NOL4: variants seen among roughly 807,000 people sequenced by gnomAD.
NOL4 encodes nucleolar protein 4.
Under a neutral mutation model 75.9 loss-of-function variants are expected in NOL4, and 17 were observed. The ratio of observed to expected loss-of-function variants is 0.22; its 90% confidence interval spans 0.15 to 0.34. The LOEUF (loss-of-function observed/expected upper bound fraction) is 0.34. Among genes scored for constraint, NOL4 ranks in the 10% least tolerant of loss-of-function variants. NOL4 has a pLI of 1.00. For synonymous variants in NOL4, 292 were observed against 289.9 expected (o/e 1.01, Z -0.07); for missense variants, 614 against 793.5 (o/e 0.77, Z 2.72).
chr18:34,001,198 G>A (rs1421652067), intron 6 of NOL4, among the ~76,000 whole-genome samples: 1 of 152,040 alleles, frequency 6.6e-6, no homozygotes, highest in African/African-American at 2.4e-5. Context: ...GTATAGTAGG[G>A]TACAATTCAA....
chr18:34,132,285 G>A (rs1425006156), intron 1 of NOL4, among the ~76,000 whole-genome samples: 3 of 152,156 alleles, frequency 2.0e-5, no homozygotes, highest in Non-Finnish European at 4.4e-5. Context: ...ACAAGATAAT[G>A]TTTACAAGTT....
intron 8 of NOL4, among the ~76,000 whole-genome samples, chr18:33,956,439 C>T (rs984397649): frequency 1.1e-4 from 16 of 152,076 alleles, no homozygotes; most frequent in African/African-American, 3.9e-4. Flanking sequence ...ACACCAATTC[C>T]TACCCAATCA....
At chr18:34,119,265 A>G (rs188977862) in intron 2 of NOL4, among the ~76,000 whole-genome samples, 20 of 152,270 alleles carry the variant, frequency 1.3e-4, no homozygotes, top group Admixed American at 1.0e-3. Flanking sequence ...CTGACCTTTG[A>G]ATGCCTGTTA....
At chr18:34,041,437 C>T (rs1330858523) in intron 5 of NOL4, among the ~76,000 whole-genome samples, 1 of 151,444 alleles carries the variant, frequency 6.6e-6, no homozygotes, top group Admixed American at 6.6e-5. Context: ...CTCTATGTGG[C>T]AGGTGTTAAG....
intron 10 of NOL4, among the ~76,000 whole-genome samples, chr18:33,865,977 G>T (rs1452342763): frequency 2.0e-5 from 3 of 151,864 alleles, no homozygotes; most frequent in Non-Finnish European, 4.4e-5. Flanking sequence ...AATACAAAAA[G>T]CAAGAAATGT....
chr18:34,058,219 C>T (rs985685375), intron 5 of NOL4, among the ~76,000 whole-genome samples: 38 of 152,172 alleles, frequency 2.5e-4, no homozygotes, highest in Admixed American at 2.0e-3. Flanking sequence ...CTGCAAGCTC[C>T]GCCTCCCGGG....
intron 4 of NOL4, among the ~76,000 whole-genome samples, chr18:34,095,299 G>A (rs982576271): frequency 1.4e-5 from 2 of 146,002 alleles, no homozygotes; most frequent in East Asian, 4.1e-4. Flanking sequence ...AAAAATAAGA[G>A]ACTTCAATGT....
At chr18:34,024,937 G>A (rs1462536015) in intron 5 of NOL4, among the ~76,000 whole-genome samples, 1 of 152,080 alleles carries the variant, frequency 6.6e-6, no homozygotes, top group Non-Finnish European at 1.5e-5. Context: ...TCATATAAGT[G>A]CTTAGGAGCC....
At chr18:34,093,633 A>G (rs2078630613) in intron 4 of NOL4, 36 bp from the exon 5 acceptor site, 1 of 1,453,914 alleles carries the variant, frequency 6.9e-7, no homozygotes, top group Non-Finnish European at 9.3e-7. Flanking sequence ...AAGCATTTTA[A>G]CGTATAATAC....
chr18:34,017,842 G>A (rs1469812528), intron 6 of NOL4, among the ~76,000 whole-genome samples: 1 of 152,016 alleles, frequency 6.6e-6, no homozygotes, highest in African/African-American at 2.4e-5. Context: ...CATTTACTAA[G>A]CCATAAATTA....
At chr18:34,120,537 G>C (rs1295158398) in intron 2 of NOL4, among the ~76,000 whole-genome samples, 1 of 152,084 alleles carries the variant, frequency 6.6e-6, no homozygotes, top group East Asian at 1.9e-4. Context: ...ATGAGTATGT[G>C]GTCAAATTTA....
chr18:34,106,376 T>C (rs1004487274), intron 2 of NOL4, among the ~76,000 whole-genome samples: 7 of 151,974 alleles, frequency 4.6e-5, no homozygotes, highest in Admixed American at 4.6e-4. Flanking sequence ...TTATACCACA[T>C]AGCCTATCCT....
At chr18:34,197,485 G>C (rs1473949069) in intron 1 of NOL4, among the ~76,000 whole-genome samples, 1 of 151,978 alleles carries the variant, frequency 6.6e-6, no homozygotes, top group Non-Finnish European at 1.5e-5. Flanking sequence ...TGCTTGTTTT[G>C]TGCCAGAAGC....
chr18:34,205,337 C>T (rs945613632), intron 1 of NOL4, among the ~76,000 whole-genome samples: 1 of 152,030 alleles, frequency 6.6e-6, no homozygotes, highest in Non-Finnish European at 1.5e-5. Flanking sequence ...CATGAGTTCC[C>T]GAGAAGTAGC....
chr18:34,026,479 A>G (rs1225387204), intron 5 of NOL4, among the ~76,000 whole-genome samples: 1 of 152,108 alleles, frequency 6.6e-6, no homozygotes, highest in Non-Finnish European at 1.5e-5. Context: ...TCTTTCTGTT[A>G]TCAATTCCAG....
chr18:34,213,124 T>C (rs1444346711), intron 1 of NOL4, among the ~76,000 whole-genome samples: 1 of 152,078 alleles, frequency 6.6e-6, no homozygotes. Context: ...TACAAAACAC[T>C]GAAGAACCCT....
rs995029967 is a variant in NOL4 at position 34,107,647 on chromosome 18, GA to G, written c.415-2488del. Reference sequence around the variant, plus strand: ...CTTTTCACATCTCATACTCATTTCTGAAAAAAAATATTTCTCCTGCAACGCA... The same window carrying G: ...CTTTTCACATCTCATACTCATTTCTGAAAAAAATATTTCTCCTGCAACGCA... On this transcript the variant is annotated intron_variant, in intron 2 of 10. Transcript: ENST00000261592. Among the ~76,000 whole-genome samples the G allele has an allele frequency of 5.5e-5, 7 of 128,104 alleles. No individual in the cohort carries two copies. The Admixed American group carries it at 5.7e-4, about 10-fold the overall frequency. The allele number at this position is 128,104 out of a possible 152,430, so 84.0% of individuals were successfully genotyped here.
At chr18:34,064,918 AAC>A (rs66465203) in intron 5 of NOL4, among the ~76,000 whole-genome samples, 17,550 of 95,292 alleles carry the variant, frequency 0.18, 1,201 homozygotes, top group African/African-American at 0.26. Flanking sequence ...GGTATTTTTT[AAC>A]ACACACACAC....
At chr18:34,164,647 T>A (rs2032058184) in intron 1 of NOL4, among the ~76,000 whole-genome samples, 1 of 152,102 alleles carries the variant, frequency 6.6e-6, no homozygotes, top group African/African-American at 2.4e-5. Context: ...TTGGTGGGAC[T>A]GTAAACTAGT....
Sources: gnomAD v4.1 joint callset for allele counts (sites outside exome capture counted in the v4.1 genomes callset) on GRCh38, gnomAD v4.1.1 for gene constraint, MANE v1.5 for transcripts, NCBI Gene and HGNC (gene_info 2026-07-23, HGNC 2026-07-21) for gene names.